Variants in ELMO1 observed in about 807,000 individuals in gnomAD.
ELMO1 encodes the protein engulfment and cell motility 1, also known as engulfment and cell motility protein 1.
Under a neutral mutation model 98.9 loss-of-function variants are expected in ELMO1, and 26 were observed. The observed-to-expected ratio is 0.26, with a 90% confidence interval of 0.19 to 0.36. The LOEUF (loss-of-function observed/expected upper bound fraction) is 0.36. Among genes scored for constraint, ELMO1 ranks in the 10% least tolerant of loss-of-function variants. The pLI is 1.00. For missense variants in ELMO1, 627 were observed against 935.2 expected (o/e 0.67, Z 4.30); for synonymous variants, 346 against 346.0 (o/e 1.00, Z 0.00).
At chr7:36,925,322 G>A (rs951008457) in intron 16 of ELMO1, among the ~76,000 whole-genome samples, 13 of 152,310 alleles carry the variant, frequency 8.5e-5, no homozygotes, top group East Asian at 5.8e-4. Context: ...GTGCTTGAAC[G>A]CTTCCAGAGT....
At chr7:37,020,518 A>T (rs7802418) in intron 15 of ELMO1, among the ~76,000 whole-genome samples, 6,448 of 152,262 alleles carry the variant, frequency 0.042, 408 homozygotes, top group African/African-American at 0.14. Context: ...ACCATTTCAT[A>T]AGGAAATTAC....
intron 14 of ELMO1, among the ~76,000 whole-genome samples, chr7:37,130,921 C>A (rs1786878997): frequency 6.6e-6 from 1 of 151,978 alleles, no homozygotes; most frequent in African/African-American, 2.4e-5. Flanking sequence ...AGATATACAT[C>A]CTCAAAAAGG....
intron 15 of ELMO1, among the ~76,000 whole-genome samples, chr7:37,052,274 A>C (rs960131710): frequency 2.0e-5 from 3 of 152,130 alleles, no homozygotes; most frequent in Non-Finnish European, 4.4e-5. Context: ...TTTTGTTGTC[A>C]AGTTATTCCT....
At chr7:37,062,231 T>C (rs1796703131) in intron 15 of ELMO1, among the ~76,000 whole-genome samples, 2 of 152,240 alleles carry the variant, frequency 1.3e-5, no homozygotes. Context: ...TCTAACCTGA[T>C]AGGCCTTTCA....
At chr7:37,103,041 G>A (rs1244065966) in intron 14 of ELMO1, among the ~76,000 whole-genome samples, 1 of 152,078 alleles carries the variant, frequency 6.6e-6, no homozygotes, top group Non-Finnish European at 1.5e-5. Flanking sequence ...ATGAGTGAAG[G>A]AATACTTATC....
rs140081437 is a variant in ELMO1 at position 37,446,934 on chromosome 7, C to T, written c.-74+1741G>A. ...AATAAAGAGTAAAGCTTCAAAAGGT[C>T]AGCTATAAGAAAAATTAAAAATATG... On this transcript the variant is annotated intron_variant, in intron 1 of 21. Transcript: ENST00000310758. Among the ~76,000 whole-genome samples the T allele has an allele frequency of 3.5e-3, 530 of 152,304 alleles. 6 individuals carry two copies. The East Asian group carries it at 0.052, about 15-fold the overall frequency.
chr7:37,409,651 G>A (rs892978061), intron 1 of ELMO1, among the ~76,000 whole-genome samples: 2 of 152,162 alleles, frequency 1.3e-5, no homozygotes, highest in Non-Finnish European at 2.9e-5. Flanking sequence ...ACTCTCCACG[G>A]GCTGTTTGGG....
intron 16 of ELMO1, among the ~76,000 whole-genome samples, chr7:36,961,652 T>G (rs1322127396): frequency 2.0e-5 from 3 of 152,218 alleles, no homozygotes; most frequent in Non-Finnish European, 4.4e-5. Context: ...TTCTTAATGG[T>G]TTGATATTTA....
intron 16 of ELMO1, among the ~76,000 whole-genome samples, chr7:36,900,190 C>A (rs1206313480): frequency 1.3e-5 from 2 of 152,184 alleles, no homozygotes; most frequent in Admixed American, 1.3e-4. Context: ...CCGATTTCAG[C>A]AAATATCCAG....
At chr7:37,123,311 C>T (rs1183972231) in intron 14 of ELMO1, among the ~76,000 whole-genome samples, 2 of 147,986 alleles carry the variant, frequency 1.4e-5, no homozygotes, top group African/African-American at 5.3e-5. Context: ...GAGATAGAGA[C>T]ATAAAAAACC....
In ELMO1 at chr7:37,047,456, G is replaced by A. The variant is rs187826194; in HGVS notation, c.1301-34021C>T. On this transcript the variant is annotated intron_variant, in intron 15 of 21. Transcript: ENST00000310758. ...TGGGCTCATTTCGGCTTACAAGCAC[G>A]AGAGATATGTAAGGGAGGACTAATG... is the stretch of plus-strand genomic sequence containing the variant. Among the ~76,000 whole-genome samples, 6 of 152,328 alleles carry A rather than the reference G, an allele frequency of 3.9e-5. No individual in the cohort carries two copies. The East Asian group carries it at 9.6e-4, about 24-fold the overall frequency.
At chr7:37,297,150 T>C (rs1458995766) in intron 4 of ELMO1, among the ~76,000 whole-genome samples, 1 of 152,130 alleles carries the variant, frequency 6.6e-6, no homozygotes, top group Non-Finnish European at 1.5e-5. Flanking sequence ...CCTGGCATCT[T>C]AATAATAATA....
chr7:37,408,353 A>T (rs1803860627), intron 1 of ELMO1, among the ~76,000 whole-genome samples: 1 of 152,224 alleles, frequency 6.6e-6, no homozygotes, highest in African/African-American at 2.4e-5. Context: ...AAAAGATGAC[A>T]AAGAACTCAG....
chr7:37,417,971 G>A (rs1386730628), intron 1 of ELMO1, among the ~76,000 whole-genome samples: 1 of 152,164 alleles, frequency 6.6e-6, no homozygotes, highest in Non-Finnish European at 1.5e-5. Context: ...GCTGGAAGGG[G>A]CAAGGAAAGA....
chr7:37,195,691 T>C (rs1791924161), intron 13 of ELMO1, among the ~76,000 whole-genome samples: 1 of 152,160 alleles, frequency 6.6e-6, no homozygotes, highest in Admixed American at 6.5e-5. Flanking sequence ...GTGGCTCTTC[T>C]CCTAACAGAC....
intron 1 of ELMO1, chr7:37,393,795 C>A (rs1415197650): frequency 6.6e-6 from 1 of 152,102 alleles, no homozygotes; most frequent in East Asian, 1.9e-4. Flanking sequence ...TGCTCAGATC[C>A]CCACAAGCCC....
chr7:36,929,420 G>C (rs1290234880), intron 16 of ELMO1, among the ~76,000 whole-genome samples: 1 of 152,208 alleles, frequency 6.6e-6, no homozygotes, highest in Non-Finnish European at 1.5e-5. Flanking sequence ...CATTAGATAT[G>C]ATGGAATGCA....
At chr7:37,343,423 C>G (rs142763756) in intron 1 of ELMO1, among the ~76,000 whole-genome samples, 1 of 151,142 alleles carries the variant, frequency 6.6e-6, no homozygotes, top group East Asian at 2.0e-4. Flanking sequence ...TTGAATGAAT[C>G]GTGCTTCTTA....
At chr7:37,432,584 C>G (rs1804976544) in intron 1 of ELMO1, among the ~76,000 whole-genome samples, 1 of 152,226 alleles carries the variant, frequency 6.6e-6, no homozygotes, top group Non-Finnish European at 1.5e-5. Flanking sequence ...CCCCTGATAA[C>G]TGCTAGAAAA....
Sources: gnomAD v4.1 joint callset for allele counts (sites outside exome capture counted in the v4.1 genomes callset) on GRCh38, gnomAD v4.1.1 for gene constraint, MANE v1.5 for transcripts, NCBI Gene and HGNC (gene_info 2026-07-23, HGNC 2026-07-21) for gene names.